The following NBPF11 variants were observed in gnomAD, a reference collection of about 807,000 sequenced individuals.
NBPF11 encodes NBPF member 11.
A neutral mutation model predicts 93.9 loss-of-function variants in NBPF11; 72 were observed. The observed-to-expected ratio is 0.77, with a 90% confidence interval of 0.63 to 0.93. The LOEUF is 0.93. Ranked by LOEUF, NBPF11 falls within the 40% of genes least tolerant of loss-of-function variation. The pLI, the probability that NBPF11 is intolerant of heterozygous loss-of-function variation, is 0.00. For synonymous variants in NBPF11, 224 were observed against 304.9 expected, an observed-to-expected ratio of 0.73 and a Z score of 2.76; for missense variants, 705 against 802.2, an observed-to-expected ratio of 0.88 and a Z score of 1.46.
chr1:148,121,613 C>G (rs1667881538), intron 9 of NBPF11, among the ~76,000 whole-genome samples: 1 of 151,732 alleles, frequency 6.6e-6, no homozygotes, highest in African/African-American at 2.4e-5. Context: ...CCTCGGCCTC[C>G]CAAAGTGCTC....
chr1:148,109,825 C>A (rs1664811265), intron 16 of NBPF11, among the ~76,000 whole-genome samples: 1 of 134,512 alleles, frequency 7.4e-6, no homozygotes, highest in East Asian at 2.0e-4. Flanking sequence ...AAAAGTAAGC[C>A]ATTTATCTAG....
chr1:148,133,350 A>G (rs1670733468), intron 4 of NBPF11, among the ~76,000 whole-genome samples: 1 of 152,038 alleles, frequency 6.6e-6, no homozygotes, highest in Non-Finnish European at 1.5e-5. Flanking sequence ...GCTCTAGTAT[A>G]ATGCTGAATT....
At chr1:148,146,452 GGCCGCATC>G (rs1386871964) in intron 1 of NBPF11, 1 of 1,604,250 alleles carries the variant, frequency 6.2e-7, no homozygotes, top group Non-Finnish European at 8.5e-7. Flanking sequence ...TCCCTGCCCC[GGCCGCATC>G]GCTGCCAAGC....
At chr1:148,112,066 C>G (rs1214555997) in intron 15 of NBPF11, among the ~76,000 whole-genome samples, 5 of 141,610 alleles carry the variant, frequency 3.5e-5, no homozygotes, top group African/African-American at 8.6e-5. Context: ...GGCACAAACC[C>G]TACAAGCCAG....
intron 1 of NBPF11, among the ~76,000 whole-genome samples, chr1:148,147,491 G>C (rs1319523662): frequency 3.9e-5 from 6 of 152,158 alleles, no homozygotes; most frequent in Admixed American, 1.3e-4. Flanking sequence ...CCCTGTGCTT[G>C]CCTGGGCCCT....
intron 16 of NBPF11, 119 bp downstream of exon 16, chr1:148,110,259 T>C (rs1445039866): frequency 1.7e-5 from 22 of 1,290,140 alleles, no homozygotes; most frequent in Middle Eastern, 2.6e-4. Context: ...CATTGATATA[T>C]AGGTTCAGCC....
intron 9 of NBPF11, 118 bp from the exon 10 acceptor site, chr1:148,120,828 C>G (rs2149229788): frequency 1.2e-6 from 1 of 828,656 alleles, no homozygotes; most frequent in East Asian, 2.5e-5. Flanking sequence ...ATGTTGTTTC[C>G]CTGGTTTCAC....
intron 1 of NBPF11, chr1:148,149,174 C>A: frequency 2.5e-6 from 4 of 1,589,880 alleles, no homozygotes; most frequent in Non-Finnish European, 3.4e-6. Context: ...CGGCATCAGC[C>A]CGGACAGCAT....
At position 148,117,644 on chromosome 1, in the gene NBPF11, C is replaced by T; in HGVS notation, c.1234G>A (p.Gly412Arg). The T allele has an allele frequency of 1.5e-6, 1 of 681,996 alleles. No individual in the cohort carries two copies. Among genetic ancestry groups the T allele is most frequent in the East Asian group, 2.7e-5 (1 of 37,098 alleles). The allele number at this position is 681,996 out of a possible 1,614,324, so 42.2% of individuals were successfully genotyped here. A position where few individuals can be genotyped will look rare whatever the true frequency, so the allele number is the denominator to read the frequency against. The change falls in exon 12 of 24, where the codon GGG (glycine) becomes AGG (arginine). Residue 412 changes from glycine (G) to arginine (R), a missense_variant. Gly to Arg is a moderately radical substitution (Grantham distance 125). This residue lies in a region of NBPF11 where 5 missense variants were observed against 45.7 expected (regional missense o/e 0.11). Coordinates refer to ENST00000682118, the MANE Select transcript of NBPF11 (RefSeq NM_001385469.3). ...GCCAGCTGTTCTTGGAGGTCCTGCC[C>T]CTGGGACTTGTCCGGCTCATCCGGA... ...LTPDEPDKSQ[G>R]QDLQEQLAEG...
At chr1:148,149,399 GA>G in intron 1 of NBPF11, 1 of 1,582,162 alleles carries the variant, frequency 6.3e-7, no homozygotes, top group Non-Finnish European at 8.5e-7. Flanking sequence ...CAGGGAGGAC[GA>G]GGTGATCGAC....
intron 6 of NBPF11, among the ~76,000 whole-genome samples, chr1:148,124,559 G>A (rs1211484868): frequency 6.6e-6 from 1 of 151,520 alleles, no homozygotes; most frequent in Non-Finnish European, 1.5e-5. Context: ...GTCAGGAGGT[G>A]ATTCTCACTA....
rs1460066247 is a variant in NBPF11, at chr1:148,149,156, G to A, written c.-549+2594C>T. The A allele has an allele frequency of 8.1e-5, 128 of 1,587,752 alleles. 1 individual carries two copies. The South Asian group carries it at 1.3e-3, about 17-fold the overall frequency. On this transcript the variant is annotated intron_variant, in intron 1 of 23. Coordinates refer to ENST00000682118, the MANE Select transcript of NBPF11 (RefSeq NM_001385469.3). Reference sequence around the variant, plus strand: ...CCGCGGCTGACCCTGCTCCGGCGCCGCCAGGTACGGCATCAGCCCGGACAG... The same window carrying A: ...CCGCGGCTGACCCTGCTCCGGCGCCACCAGGTACGGCATCAGCCCGGACAG...
intron 20 of NBPF11, among the ~76,000 whole-genome samples, chr1:148,106,520 G>T (rs1439906781): frequency 2.2e-5 from 3 of 138,498 alleles, no homozygotes; most frequent in South Asian, 2.2e-4. Context: ...CAAAGAAAAT[G>T]CCCCAGAGGA....
intron 15 of NBPF11, among the ~76,000 whole-genome samples, chr1:148,112,384 G>C (rs1390261887): frequency 7.4e-6 from 1 of 135,546 alleles, no homozygotes; most frequent in Non-Finnish European, 1.5e-5. Context: ...ATTCCCACCT[G>C]TGAGTAAGAA....
intron 21 of NBPF11, among the ~76,000 whole-genome samples, 159 bp from the exon 22 acceptor site, chr1:148,105,687 A>T (rs1446944937): frequency 7.8e-6 from 1 of 128,836 alleles, no homozygotes; most frequent in Admixed American, 7.7e-5. Flanking sequence ...GGGACAGAAC[A>T]GGGCCAAATG....
At chr1:148,149,890 G>T (rs1232033668) in intron 1 of NBPF11, among the ~76,000 whole-genome samples, 2 of 151,226 alleles carry the variant, frequency 1.3e-5, no homozygotes, top group Admixed American at 6.6e-5. Flanking sequence ...AGTTGAAACC[G>T]CATTGATATA....
At chr1:148,144,175 G>C (rs1467837702) in intron 1 of NBPF11, among the ~76,000 whole-genome samples, 1 of 149,686 alleles carries the variant, frequency 6.7e-6, no homozygotes, top group Admixed American at 6.6e-5. Context: ...CGTAGTTAAT[G>C]CTTCTTTGGA....
At chr1:148,108,734 A>G (rs369632304) in intron 17 of NBPF11, 80 bp from the exon 18 acceptor site, 30 of 797,922 alleles carry the variant, frequency 3.8e-5, no homozygotes, top group African/African-American at 3.1e-4. Context: ...CATGGCTAAC[A>G]TGAGGAAGAG....
At chr1:148,106,295 A>C (rs1479416111) in intron 20 of NBPF11, 63 bp from the exon 21 acceptor site, 23 of 637,916 alleles carry the variant, frequency 3.6e-5, no homozygotes, top group Non-Finnish European at 6.1e-5. Flanking sequence ...ATAACAGTCC[A>C]CTGTCTAATC....
Sources: gnomAD v4.1 joint callset for allele counts (sites outside exome capture counted in the v4.1 genomes callset) on GRCh38, gnomAD v4.1.1 for gene constraint, gnomAD v4.1.1 regional missense constraint, MANE v1.5 for transcripts, NCBI Gene and HGNC (gene_info 2026-07-23, HGNC 2026-07-21) for gene names.